The following BMP6 variants were observed in gnomAD, a reference collection of about 807,000 sequenced individuals.
BMP6 encodes bone morphogenetic protein 6, also known as VG-1-R.
BMP6 carries 17 observed loss-of-function variants against 54.1 expected under a neutral mutation model. That is an observed-to-expected ratio of 0.31 (90% CI 0.22 to 0.47). The LOEUF (loss-of-function observed/expected upper bound fraction) is 0.47. Among genes scored for constraint, BMP6 ranks in the 20% least tolerant of loss-of-function variants. The pLI, the probability that BMP6 is intolerant of heterozygous loss-of-function variation, is 1.00. For synonymous variants in BMP6, 328 were observed against 291.2 expected (o/e 1.13, Z -1.28); for missense variants, 720 against 690.4 (o/e 1.04, Z -0.48).
chr6:7,826,647 C>T (rs1252555235), intron 1 of BMP6, among the ~76,000 whole-genome samples: 1 of 152,216 alleles, frequency 6.6e-6, no homozygotes, highest in African/African-American at 2.4e-5. Flanking sequence ...TCACCTGTGA[C>T]TTAACCTCAT....
At chr6:7,764,570 G>A (rs1757657800) in intron 1 of BMP6, among the ~76,000 whole-genome samples, 1 of 152,162 alleles carries the variant, frequency 6.6e-6, no homozygotes. Flanking sequence ...CGTTCTGATG[G>A]TGTTATATGG....
intron 1 of BMP6, among the ~76,000 whole-genome samples, chr6:7,735,366 TATA>T (rs1186378784): frequency 1.3e-5 from 2 of 152,236 alleles, no homozygotes; most frequent in African/African-American, 4.8e-5. Flanking sequence ...GGAGATTTCT[TATA>T]ATATTAGCCT....
chr6:7,830,322 C>T lies in BMP6; in HGVS notation c.665-14818C>T, dbSNP rs78463828. On this transcript the variant is annotated intron_variant, in intron 1 of 6. Coordinates refer to ENST00000283147, the MANE Select transcript of BMP6 (RefSeq NM_001718.6). ...GACTCCCCTGGATTAAACCTTGTTT[C>T]TGCTCAGACTCAGCAAATATTCATT... Among the ~76,000 whole-genome samples the T allele has an allele frequency of 5.8e-3, 879 of 152,334 alleles. 11 individuals carry two copies. Among genetic ancestry groups the T allele is most frequent in the African/African-American group, 0.02 (817 of 41,576 alleles).
chr6:7,851,808 T>C (rs6597285), intron 2 of BMP6, among the ~76,000 whole-genome samples: 7,927 of 152,280 alleles, frequency 0.052, 253 homozygotes, highest in African/African-American at 0.087. Flanking sequence ...AATGTTTTTT[T>C]TTAATTTTGG....
intron 2 of BMP6, among the ~76,000 whole-genome samples, chr6:7,850,915 T>G (rs1759132833): frequency 6.6e-6 from 1 of 152,258 alleles, no homozygotes; most frequent in South Asian, 2.1e-4. Flanking sequence ...TAGTGGCAAC[T>G]TTCTCATAAA....
At chr6:7,805,796 A>G (rs1758338670) in intron 1 of BMP6, among the ~76,000 whole-genome samples, 1 of 152,216 alleles carries the variant, frequency 6.6e-6, no homozygotes, top group African/African-American at 2.4e-5. Context: ...GAGATGATAA[A>G]ATACTCTAGC....
intron 1 of BMP6, among the ~76,000 whole-genome samples, chr6:7,783,066 A>C (rs978087339): frequency 1.3e-5 from 2 of 152,200 alleles, no homozygotes; most frequent in African/African-American, 4.8e-5. Context: ...AAATGCAGAC[A>C]TAGGGGCAAG....
At chr6:7,727,695 G>C in intron 1 of BMP6, 76 bp downstream of exon 1, 4 of 1,390,826 alleles carry the variant, frequency 2.9e-6, no homozygotes, top group Non-Finnish European at 1.9e-6. Flanking sequence ...ATGGAGTGAG[G>C]GGGTGGAGGA....
intron 4 of BMP6, among the ~76,000 whole-genome samples, chr6:7,870,238 T>C (rs1759500144): frequency 6.6e-6 from 1 of 152,192 alleles, no homozygotes; most frequent in Non-Finnish European, 1.5e-5. Context: ...GATGCTTTAT[T>C]CCGAGGTGAA....
intron 4 of BMP6, among the ~76,000 whole-genome samples, chr6:7,874,930 T>G (rs113081170): frequency 0.37 from 56,474 of 151,552 alleles, 11,494 homozygotes; most frequent in East Asian, 0.65. Flanking sequence ...TATATGGAGA[T>G]ATATATATAT....
At chr6:7,829,265 C>T (rs1758751322) in intron 1 of BMP6, among the ~76,000 whole-genome samples, 1 of 151,770 alleles carries the variant, frequency 6.6e-6, no homozygotes, top group Non-Finnish European at 1.5e-5. Flanking sequence ...TTATGTATGT[C>T]TTCTCTCTCT....
At chr6:7,863,038 G>A (rs1025385320) in intron 4 of BMP6, among the ~76,000 whole-genome samples, 2 of 152,032 alleles carry the variant, frequency 1.3e-5, no homozygotes, top group African/African-American at 2.4e-5. Flanking sequence ...TCCCTCTGTC[G>A]CCCAGGCTGG....
At chr6:7,790,041 G>T (rs1183698929) in intron 1 of BMP6, among the ~76,000 whole-genome samples, 2 of 152,134 alleles carry the variant, frequency 1.3e-5, no homozygotes, top group Non-Finnish European at 2.9e-5. Context: ...TCCTTCTCAG[G>T]GTTGCCAGTG....
Position 7,858,950 on chromosome 6 carries a change from T to C in BMP6, c.858-2501T>C, listed in dbSNP as rs58954635. ...AACAGTCAGTGTTCTCATTGTACGA[T>C]TACAAAAGTGTGCCACAGAACAACG... On this transcript the variant is annotated intron_variant, in intron 2 of 6. Transcript: ENST00000283147. Among the ~76,000 whole-genome samples the C allele has an allele frequency of 8.8e-3, 1,337 of 151,982 alleles. 30 individuals carry two copies. The highest frequency in any genetic ancestry group is 0.029 in the African/African-American group (1,187 of 41,416).
In BMP6 at chr6:7,880,838, C is replaced by T. The variant is rs2113301114; in HGVS notation, c.*495C>T. On this transcript the variant is annotated 3_prime_UTR_variant, in exon 7 of 7. Coordinates refer to ENST00000283147, the MANE Select transcript of BMP6 (RefSeq NM_001718.6). ...CTCTGTTCAGTTCATTCCCAGAAGT[C>T]CACAGGACGCACAGCCCAGGCCACA... is the stretch of plus-strand genomic sequence containing the variant. 1 of 164,764 alleles carries T rather than the reference C, an allele frequency of 6.1e-6. No individual in the cohort carries two copies. The highest frequency in any genetic ancestry group is 1.3e-5 in the Non-Finnish European group (1 of 74,432). 10.2% of individuals were successfully genotyped at this position (164,764 alleles called of 1,614,324 possible).
chr6:7,798,890 C>T (rs530073364), intron 1 of BMP6, among the ~76,000 whole-genome samples: 35 of 152,332 alleles, frequency 2.3e-4, no homozygotes, highest in African/African-American at 7.9e-4. Flanking sequence ...TGGCCAGACG[C>T]CAGAGTGATA....
chr6:7,747,141 T>C (rs764627215), intron 1 of BMP6, among the ~76,000 whole-genome samples: 9 of 152,204 alleles, frequency 5.9e-5, no homozygotes, highest in Non-Finnish European at 1.0e-4. Flanking sequence ...GCCCTGCGTA[T>C]GGGAGATGAT....
chr6:7,761,810 G>T (rs1339261835), intron 1 of BMP6, among the ~76,000 whole-genome samples: 1 of 152,152 alleles, frequency 6.6e-6, no homozygotes, highest in African/African-American at 2.4e-5. Context: ...TCGCTCAGTT[G>T]TCATTTGTCA....
intron 1 of BMP6, among the ~76,000 whole-genome samples, chr6:7,780,667 ATTTG>A (rs1355391786): frequency 3.9e-5 from 6 of 152,124 alleles, no homozygotes; most frequent in African/African-American, 1.4e-4. Context: ...ATCAATATAT[ATTTG>A]TTAAATGTGA....
Sources: gnomAD v4.1 joint callset for allele counts (sites outside exome capture counted in the v4.1 genomes callset) on GRCh38, gnomAD v4.1.1 for gene constraint, MANE v1.5 for transcripts, NCBI Gene and HGNC (gene_info 2026-07-23, HGNC 2026-07-21) for gene names.